The following FOXP2 variants were observed in gnomAD, a reference collection of about 807,000 sequenced individuals.
FOXP2 encodes the protein forkhead box protein P2.
In FOXP2, 12 loss-of-function variants were observed where a neutral mutation model predicts 115.8. The observed-to-expected ratio is 0.10, with a 90% CI of 0.07 to 0.17. The LOEUF is 0.17. Ranked by LOEUF, FOXP2 falls within the 10% of genes least tolerant of loss-of-function variation. The pLI is 1.00. For synonymous variants in FOXP2, 328 were observed against 297.7 expected (o/e 1.10, Z -1.05); for missense variants, 629 against 843.5 (o/e 0.75, Z 3.15).
intron 1 of FOXP2, among the ~76,000 whole-genome samples, chr7:114,097,529 A>G (rs1799677408): frequency 6.6e-6 from 1 of 152,182 alleles, no homozygotes; most frequent in African/African-American, 2.4e-5. Context: ...TTTTCATTCA[A>G]GTAAGTTTTT....
At chr7:114,663,283 A>C (rs1200889107) in intron 14 of FOXP2, among the ~76,000 whole-genome samples, 167 bp from the exon 15 acceptor site, 1 of 152,084 alleles carries the variant, frequency 6.6e-6, no homozygotes, top group Non-Finnish European at 1.5e-5. Context: ...GTATTATGTA[A>C]AGGGTTATAT....
At chr7:114,464,224 T>G (rs1022507819) in intron 2 of FOXP2, among the ~76,000 whole-genome samples, 2 of 152,098 alleles carry the variant, frequency 1.3e-5, no homozygotes, top group Admixed American at 6.5e-5. Context: ...GACCTCCATT[T>G]AAACAGAAAG....
At chr7:114,525,996 C>T (rs979173267) in intron 2 of FOXP2, among the ~76,000 whole-genome samples, 1 of 151,814 alleles carries the variant, frequency 6.6e-6, no homozygotes, top group African/African-American at 2.4e-5. Context: ...CCTCTAATCA[C>T]AGCTACTTGG....
intron 1 of FOXP2, among the ~76,000 whole-genome samples, chr7:114,090,773 C>T (rs2129138997): frequency 6.6e-6 from 1 of 151,120 alleles, no homozygotes; most frequent in South Asian, 2.1e-4. Context: ...CCTATCAATT[C>T]TATAGTCTTT....
At chr7:114,466,658 TTAAACATGGAAC>T (rs1417957313) in intron 2 of FOXP2, among the ~76,000 whole-genome samples, 16 of 152,178 alleles carry the variant, frequency 1.1e-4, no homozygotes, top group Non-Finnish European at 1.9e-4. Context: ...CTGAAAAATC[TTAAACATGGAAC>T]ACTTGTGTTG....
At chr7:114,380,306 A>G (rs1184997848) in intron 2 of FOXP2, among the ~76,000 whole-genome samples, 2 of 152,168 alleles carry the variant, frequency 1.3e-5, no homozygotes, top group Admixed American at 6.5e-5. Flanking sequence ...TAGAGTCTGT[A>G]TATATATTTA....
chr7:114,096,782 A>C (rs2129139995), intron 1 of FOXP2, among the ~76,000 whole-genome samples: 1 of 152,316 alleles, frequency 6.6e-6, no homozygotes, highest in Middle Eastern at 3.4e-3. Flanking sequence ...AGTACTCTAG[A>C]ATATGGTAAT....
intron 16 of FOXP2, among the ~76,000 whole-genome samples, chr7:114,674,614 T>C (rs565423947): frequency 5.9e-5 from 9 of 152,248 alleles, no homozygotes; most frequent in Non-Finnish European, 8.8e-5. Context: ...AGATAAGAAA[T>C]GGGAATAAAG....
chr7:114,182,337 T>A (rs960928554), intron 1 of FOXP2, among the ~76,000 whole-genome samples: 22 of 152,040 alleles, frequency 1.4e-4, no homozygotes, highest in Non-Finnish European at 2.4e-4. Flanking sequence ...ACTGTCTTTT[T>A]AAAAAAGAAA....
chr7:114,308,949 T>TGGCAATTGCCA (rs1797078889), intron 2 of FOXP2, among the ~76,000 whole-genome samples: 1 of 152,168 alleles, frequency 6.6e-6, no homozygotes, highest in Non-Finnish European at 1.5e-5. Context: ...CAGGGGCAGG[T>TGGCAATTGCCA]GGAGTCAATG....
intron 2 of FOXP2, among the ~76,000 whole-genome samples, chr7:114,303,924 C>T (rs769954157): frequency 1.3e-4 from 20 of 151,898 alleles, no homozygotes; most frequent in Non-Finnish European, 2.4e-4. Flanking sequence ...TTTATGGCTG[C>T]AGGCTTTATA....
Position 114,663,456 on chromosome 7 carries a change from A to G in FOXP2, c.1776A>G (p.Pro592=). Residue 592 remains proline, a synonymous_variant, in exon 15 of 17, where the codon CCA becomes CCG. Coordinates refer to ENST00000350908, the MANE Select transcript of FOXP2 (RefSeq NM_014491.4). ...KRRSQKITGS[P]TLVKNIPTSL... is the part of the protein sequence containing the mutation. Reference sequence around the variant, plus strand: ...TATATATTTTTTTTTTCAGAAGTCCAACCTTAGTAAAAAATATACCTACCA... The same window carrying G: ...TATATATTTTTTTTTTCAGAAGTCCGACCTTAGTAAAAAATATACCTACCA... 6.2e-7 allele frequency: 1 copy of G among 1,606,386 alleles called. No homozygotes were observed. The highest frequency in any genetic ancestry group is 1.3e-5 in the African/African-American group (1 of 74,766).
At chr7:114,374,485 TCAA>T (rs1792092975) in intron 2 of FOXP2, among the ~76,000 whole-genome samples, 1 of 152,124 alleles carries the variant, frequency 6.6e-6, no homozygotes, top group Admixed American at 6.5e-5. Flanking sequence ...TGCAAAATGG[TCAA>T]CTAGAGACTG....
At chr7:114,624,575 T>A (rs1246996376) in intron 3 of FOXP2, among the ~76,000 whole-genome samples, 1 of 151,782 alleles carries the variant, frequency 6.6e-6, no homozygotes, top group East Asian at 1.9e-4. Context: ...CATTCAGAAA[T>A]GCTCCAACTG....
intron 1 of FOXP2, among the ~76,000 whole-genome samples, chr7:114,173,607 T>A (rs1254150151): frequency 2.0e-5 from 3 of 147,560 alleles, no homozygotes; most frequent in Admixed American, 6.7e-5. Context: ...TTGCATTTAT[T>A]TTTTTTTTTG....
intron 3 of FOXP2, among the ~76,000 whole-genome samples, chr7:114,610,066 A>G (rs1803547255): frequency 6.6e-6 from 1 of 152,224 alleles, no homozygotes; most frequent in Non-Finnish European, 1.5e-5. Context: ...AAAACTTTGA[A>G]AGAAGTGACA....
intron 3 of FOXP2, among the ~76,000 whole-genome samples, chr7:114,616,892 T>C (rs551064222): frequency 8.9e-4 from 136 of 152,132 alleles, no homozygotes; most frequent in Non-Finnish European, 1.7e-3. Flanking sequence ...CTGGGCAACA[T>C]AGTGAGGCCC....
chr7:114,638,812 G>A (rs1049053650), intron 6 of FOXP2, among the ~76,000 whole-genome samples: 3 of 152,002 alleles, frequency 2.0e-5, no homozygotes, highest in African/African-American at 4.8e-5. Flanking sequence ...ATCCACTGCC[G>A]CTAAAAGGAA....
At chr7:114,339,490 T>C (rs1167422066) in intron 2 of FOXP2, among the ~76,000 whole-genome samples, 1 of 151,086 alleles carries the variant, frequency 6.6e-6, no homozygotes, top group Non-Finnish European at 1.5e-5. Flanking sequence ...TTACCCTTTT[T>C]CTTTCGTATG....
Sources: gnomAD v4.1 joint callset for allele counts (sites outside exome capture counted in the v4.1 genomes callset) on GRCh38, gnomAD v4.1.1 for gene constraint, MANE v1.5 for transcripts, NCBI Gene and HGNC (gene_info 2026-07-23, HGNC 2026-07-21) for gene names.